The following RAET1E variants were observed in gnomAD, a reference collection of about 807,000 sequenced individuals.
The protein encoded by RAET1E is NKG2D ligand 4.
A neutral mutation model predicts 21.1 loss-of-function variants in RAET1E; 27 were observed. The observed-to-expected ratio is 1.28, with a 90% CI of 0.94 to 1.76. RAET1E has a LOEUF of 1.76. Ranked by LOEUF, RAET1E falls within the 40% of genes most tolerant of loss-of-function variation. The pLI is 0.00. For missense variants in RAET1E, 310 were observed against 311.3 expected (o/e 1.00, Z 0.03); for synonymous variants, 113 against 115.0 (o/e 0.98, Z 0.11).
rs1777599396 is a variant in RAET1E, at chr6:149,886,129, C to T, written c.*2369G>A. Among the ~76,000 whole-genome samples the T allele has an allele frequency of 6.6e-6, 1 of 152,172 alleles. No individual in the cohort carries two copies. Among genetic ancestry groups the T allele is most frequent in the South Asian group, 2.1e-4 (1 of 4,826 alleles). On this transcript the variant is annotated 3_prime_UTR_variant, in exon 6 of 6. Coordinates refer to ENST00000357183, the MANE Select transcript of RAET1E (RefSeq NM_001394057.1). ...ACGGTGATTCAGAGATCAAAAAGTT[C>T]AGTGTGGATGCCTCTAGACATTTTC... is the stretch of plus-strand genomic sequence containing the variant.
intron 5 of RAET1E, chr6:149,889,090 G>A (rs1777755983): frequency 7.1e-7 from 1 of 1,411,218 alleles, no homozygotes; most frequent in Non-Finnish European, 9.2e-7. Context: ...ATAGACTTGG[G>A]ACCATTTAGC....
chr6:149,890,837 A>G lies in RAET1E; in HGVS notation c.65T>C (p.Ile22Thr), dbSNP rs144240824. Residue 22 changes from isoleucine (I) to threonine (T), a missense_variant, in exon 3 of 6, where the codon ATA (isoleucine) becomes ACA (threonine). Physicochemically the swap from Ile to Thr is moderately conservative, Grantham distance 89. Transcript: ENST00000357183. ...CTCACCAACCATGATCTCCAAGGCT[A>G]TTAGTAGCAACAGCAGAAACAAAAG... Reference protein sequence around the residue: ...RLLLFLLLLLIALEIMVGGHS... With the variant: ...RLLLFLLLLLTALEIMVGGHS... The G allele has an allele frequency of 6.8e-6, 11 of 1,612,698 alleles. No individual in the cohort carries two copies. In the African/African-American group the frequency reaches 8.0e-5, roughly 12 times the overall value.
rs1396081955 is a variant in RAET1E at position 149,891,481 on chromosome 6, G to A, written c.-133-447C>T. The stretch of plus-strand genomic sequence containing the variant: ...GCAAGTGGTCTACCATGACAGATGG[G>A]TTTTGTGTGTGTGTGTGTGTGTGTA... On this transcript the variant is annotated intron_variant, in intron 2 of 5. Coordinates refer to ENST00000357183, the MANE Select transcript of RAET1E (RefSeq NM_001394057.1). Among the ~76,000 whole-genome samples, 4 of 113,022 alleles carry A rather than the reference G, an allele frequency of 3.5e-5. No individual in the cohort carries two copies. In the East Asian group the frequency reaches 2.0e-3, roughly 57 times the overall value. 74.1% of individuals were successfully genotyped at this position (113,022 alleles called of 152,430 possible).
Position 149,890,163 on chromosome 6 carries a change from A to C in RAET1E, c.86-18T>G. The C allele has an allele frequency of 6.2e-7, 1 of 1,613,524 alleles. No individual in the cohort carries two copies. ...GTGACCACCTGTGAGACAAAGATGC[A>C]GGTGAGGTCCAGGACAGGGGAAGAG... On this transcript the variant is annotated intron_variant, in intron 3 of 5. Transcript: ENST00000357183.
In RAET1E at chr6:149,895,103, A is replaced by C. The variant is rs1778062564; in HGVS notation, c.-134+743T>G. Among the ~76,000 whole-genome samples the C allele has an allele frequency of 2.0e-5, 3 of 152,186 alleles. No homozygotes were observed. In the South Asian group the frequency reaches 6.2e-4, roughly 31 times the overall value. ...ACCAGCGGAGGCTGCAGAGCAGCTA[A>C]GATTGCTGCCTGTTCCTTCCTCTGG... On this transcript the variant is annotated intron_variant, in intron 2 of 5. Transcript: ENST00000357183.
rs948608118 is a variant in RAET1E at position 149,884,492 on chromosome 6, G to A, written c.*4006C>T. The A allele has an allele frequency of 9.8e-6, 15 of 1,536,018 alleles. No homozygotes were observed. Among genetic ancestry groups the A allele is most frequent in the East Asian group, 2.4e-5 (1 of 40,906 alleles). ...TGCGCCGCCGTGGTATCACCTCTAG[G>A]TGGATCTTCTGCCTTTAGGAAGGAG... On this transcript the variant is annotated 3_prime_UTR_variant, in exon 6 of 6. Coordinates refer to ENST00000357183, the MANE Select transcript of RAET1E (RefSeq NM_001394057.1).
chr6:149,888,795 C>G, intron 5 of RAET1E, 128 bp from the exon 6 acceptor site: 5 of 1,345,558 alleles, frequency 3.7e-6, no homozygotes, highest in Non-Finnish European at 4.0e-6. Flanking sequence ...ATCACTGGCT[C>G]ATGTGACAGC....
At chr6:149,891,634 C>T (rs1244130817) in intron 2 of RAET1E, among the ~76,000 whole-genome samples, 2 of 152,122 alleles carry the variant, frequency 1.3e-5, no homozygotes, top group Admixed American at 1.3e-4. Context: ...TGCCTATAAT[C>T]CCAGCACTTT....
In RAET1E at chr6:149,888,387, A is replaced by T; in HGVS notation, c.*111T>A. ...CATTGTGCTGCCAGCCCTGCTGTGT[A>T]GTGTGGGGGCTCAAGACTAAGGCAG... On this transcript the variant is annotated 3_prime_UTR_variant, in exon 6 of 6. Coordinates refer to ENST00000357183, the MANE Select transcript of RAET1E (RefSeq NM_001394057.1). 1 of 1,286,634 alleles carries T rather than the reference A, an allele frequency of 7.8e-7. No individual in the cohort carries two copies. The highest frequency in any genetic ancestry group is 1.3e-5 in the South Asian group (1 of 74,192). The allele number at this position is 1,286,634 out of a possible 1,614,324, so 79.7% of individuals were successfully genotyped here.
In RAET1E at chr6:149,886,097, A is replaced by G. The variant is rs1202000016; in HGVS notation, c.*2401T>C. 6.6e-6 allele frequency among the ~76,000 whole-genome samples: 1 copy of G among 152,222 alleles called. No homozygotes were observed. Among genetic ancestry groups the G allele is most frequent in the African/African-American group, 2.4e-5 (1 of 41,472 alleles). ...AGCATGAGCAAAAAATTTGGCAGCA[A>G]TGATGCACGGTGATTCAGAGATCAA... On this transcript the variant is annotated 3_prime_UTR_variant, in exon 6 of 6. Transcript: ENST00000357183.
At chr6:149,892,198 T>C (rs368909410) in intron 2 of RAET1E, among the ~76,000 whole-genome samples, 44 of 152,354 alleles carry the variant, frequency 2.9e-4, no homozygotes, top group African/African-American at 1.1e-3. Context: ...AGCAGCATGA[T>C]TTATAATCCT....
At position 149,884,542 on chromosome 6, in the gene RAET1E, C is replaced by T; in HGVS notation, c.*3956G>A. The T allele has an allele frequency of 6.5e-7, 1 of 1,533,280 alleles. No homozygotes were observed. The highest frequency in any genetic ancestry group is 2.4e-5 in the East Asian group (1 of 40,862). The allele number at this position is 1,533,280 out of a possible 1,614,324, so 95.0% of individuals were successfully genotyped here. Reference sequence around the variant, plus strand: ...GACAAAAGAGTGCAGAACCCTGGGTCAGATCAGCTCAGGATTGACCCCTCC... The same window carrying T: ...GACAAAAGAGTGCAGAACCCTGGGTTAGATCAGCTCAGGATTGACCCCTCC... On this transcript the variant is annotated 3_prime_UTR_variant, in exon 6 of 6. Transcript: ENST00000357183.
chr6:149,895,386 C>CCCTGA (rs1468387716), intron 2 of RAET1E: 1 of 152,306 alleles, frequency 6.6e-6, no homozygotes, highest in Non-Finnish European at 1.5e-5. Flanking sequence ...TACCAACATG[C>CCCTGA]CCTGACCAGA....
rs1315613097 is a variant in RAET1E, at chr6:149,886,525, G to A, written c.*1973C>T. ...TTCTCCTGTCTCAGCCTCCCGAGTAGCTGGGATTACAGGCCCATGCCACCA... is the reference window on the plus strand; with the variant it reads ...TTCTCCTGTCTCAGCCTCCCGAGTAACTGGGATTACAGGCCCATGCCACCA... On this transcript the variant is annotated 3_prime_UTR_variant, in exon 6 of 6. Transcript: ENST00000357183. Among the ~76,000 whole-genome samples, 1 of 152,204 alleles carries A rather than the reference G, an allele frequency of 6.6e-6. No homozygotes were observed.
chr6:149,888,170 GA>G lies in RAET1E; in HGVS notation c.*327del. The G allele has an allele frequency of 1.7e-6, 1 of 577,768 alleles. No homozygotes were observed. The highest frequency in any genetic ancestry group is 1.4e-5 in the South Asian group (1 of 70,156). The allele number at this position is 577,768 out of a possible 1,614,324, so 35.8% of individuals were successfully genotyped here. A position where few individuals can be genotyped will look rare whatever the true frequency, so the allele number is the denominator to read the frequency against. On this transcript the variant is annotated 3_prime_UTR_variant, in exon 6 of 6. Transcript: ENST00000357183. ...CGCCACCAGCAAGTCTTCTCAGGGT[GA>G]ACGGGAAAAGGGGATGGGACCTGCT...
intron 5 of RAET1E, chr6:149,889,109 A>T: frequency 1.4e-6 from 2 of 1,425,402 alleles, no homozygotes; most frequent in South Asian, 1.6e-5. Context: ...GCAGTGGGTC[A>T]TTGTGACTGG....
chr6:149,890,905 G>A lies in RAET1E; in HGVS notation c.-4C>T, dbSNP rs1427499919. 3.1e-6 allele frequency: 5 copies of A among 1,605,036 alleles called. No individual in the cohort carries two copies. Among genetic ancestry groups the A allele is most frequent in the African/African-American group, 2.7e-5 (2 of 74,540 alleles). Reference sequence around the variant, plus strand: ...AAGTCAGGGATATTCTTCGCATACTGTGGAGAGTAACAGGCAGGAAGCTGG... The same window carrying A: ...AAGTCAGGGATATTCTTCGCATACTATGGAGAGTAACAGGCAGGAAGCTGG... On this transcript the variant is annotated 5_prime_UTR_variant, in exon 3 of 6. Coordinates refer to ENST00000357183, the MANE Select transcript of RAET1E (RefSeq NM_001394057.1).
chr6:149,894,237 A>G (rs1404567165), intron 2 of RAET1E, among the ~76,000 whole-genome samples: 1 of 151,948 alleles, frequency 6.6e-6, no homozygotes, highest in East Asian at 1.9e-4. Context: ...CTCTTTTTCT[A>G]TTGTTTGGAA....
Position 149,891,490 on chromosome 6 carries a change from G to GTGTA in RAET1E, c.-133-457_-133-456insTACA, listed in dbSNP as rs1777893589. On this transcript the variant is annotated intron_variant, in intron 2 of 5. Coordinates refer to ENST00000357183, the MANE Select transcript of RAET1E (RefSeq NM_001394057.1). The stretch of plus-strand genomic sequence containing the variant: ...CTACCATGACAGATGGGTTTTGTGT[G>GTGTA]TGTGTGTGTGTGTGTAATTGTAATA... Among the ~76,000 whole-genome samples the GTGTA allele has an allele frequency of 3.9e-5, 6 of 152,010 alleles. No individual in the cohort carries two copies. The South Asian group carries it at 1.0e-3, about 26-fold the overall frequency.
Sources: allele counts gnomAD v4.1 joint callset (sites outside exome capture counted in the v4.1 genomes callset), GRCh38; gene constraint gnomAD v4.1.1; transcripts MANE v1.5; gene names NCBI Gene and HGNC (gene_info 2026-07-23, HGNC 2026-07-21).